COL11A1: variants seen among roughly 807,000 people sequenced by gnomAD.
COL11A1 encodes collagen type XI alpha 1 chain, also known as collagen alpha-1(XI) chain.
Under a neutral mutation model 265.2 loss-of-function variants are expected in COL11A1, and 74 were observed. The ratio of observed to expected loss-of-function variants is 0.28; its 90% CI spans 0.23 to 0.34. COL11A1 has a LOEUF of 0.34. Ranked by LOEUF, COL11A1 falls within the 10% of genes least tolerant of loss-of-function variation. The pLI, the probability that COL11A1 is intolerant of heterozygous loss-of-function variation, is 1.00. For missense variants in COL11A1, 2,165 were observed against 2,263.6 expected (o/e 0.96, Z 0.88); for synonymous variants, 816 against 727.6 (o/e 1.12, Z -1.96).
intron 54 of COL11A1, among the ~76,000 whole-genome samples, chr1:102,902,174 G>A (rs140131469): frequency 3.3e-5 from 5 of 152,262 alleles, no homozygotes; most frequent in Admixed American, 6.5e-5. Context: ...GTACATGATA[G>A]TCTCTATGGA....
At chr1:103,045,208 A>G (rs1388622986) in intron 4 of COL11A1, among the ~76,000 whole-genome samples, 1 of 152,158 alleles carries the variant, frequency 6.6e-6, no homozygotes, top group Non-Finnish European at 1.5e-5. Context: ...GGTATGGGTC[A>G]CATAAGGTCC....
intron 54 of COL11A1, among the ~76,000 whole-genome samples, chr1:102,903,970 C>T (rs1057435774): frequency 6.6e-6 from 1 of 152,116 alleles, no homozygotes; most frequent in African/African-American, 2.4e-5. Context: ...TCAAGCTATT[C>T]TCCCACCTCA....
chr1:102,884,550 C>G (rs1650709192), intron 63 of COL11A1: 1 of 152,178 alleles, frequency 6.6e-6, no homozygotes, highest in Admixed American at 6.5e-5. Flanking sequence ...CACTAAGATG[C>G]AAATGGTTGG....
At chr1:103,022,702 A>T in intron 8 of COL11A1, 40 bp downstream of exon 8, 1 of 1,611,978 alleles carries the variant, frequency 6.2e-7, no homozygotes, top group East Asian at 2.2e-5. Context: ...ATATCCCATA[A>T]ATAAGACATA....
chr1:102,967,245 T>C (rs1557882379), intron 37 of COL11A1, among the ~76,000 whole-genome samples: 1 of 110,238 alleles, frequency 9.1e-6, no homozygotes, highest in Non-Finnish European at 1.9e-5. Flanking sequence ...TTTTTTTTTT[T>C]TTTTTTTTTT....
intron 62 of COL11A1, 29 bp from the exon 63 acceptor site, chr1:102,887,085 G>C (rs1225761784): frequency 6.2e-7 from 1 of 1,612,584 alleles, no homozygotes; most frequent in Admixed American, 1.7e-5. Context: ...GAGTGCAATT[G>C]TTTCATAAAG....
At chr1:103,069,727 T>G (rs904518588) in intron 4 of COL11A1, among the ~76,000 whole-genome samples, 5 of 151,856 alleles carry the variant, frequency 3.3e-5, no homozygotes, top group Non-Finnish European at 7.4e-5. Flanking sequence ...ACAGCTCAAT[T>G]TTTTAAATGG....
chr1:103,048,319 G>C (rs186651909), intron 4 of COL11A1, among the ~76,000 whole-genome samples: 3 of 152,084 alleles, frequency 2.0e-5, no homozygotes, highest in Admixed American at 2.0e-4. Context: ...ACTTCTTCCT[G>C]GTTTATTCTT....
chr1:102,896,435 C>T (rs1021918641), intron 57 of COL11A1, among the ~76,000 whole-genome samples: 1 of 152,186 alleles, frequency 6.6e-6, no homozygotes, highest in Non-Finnish European at 1.5e-5. Context: ...GATGATTTAT[C>T]TGCCCATCCT....
At chr1:102,923,433 T>TA in intron 46 of COL11A1, 44 bp from the exon 47 acceptor site, 3 of 1,471,688 alleles carry the variant, frequency 2.0e-6, no homozygotes, top group Admixed American at 2.0e-5. Flanking sequence ...ACTGATGTCT[T>TA]TAAAAAAAAA....
At chr1:102,888,076 A>T (rs1471989064) in intron 62 of COL11A1, among the ~76,000 whole-genome samples, 1 of 152,204 alleles carries the variant, frequency 6.6e-6, no homozygotes, top group Non-Finnish European at 1.5e-5. Context: ...ATTTTAGCTC[A>T]AGAAAGAAGA....
intron 35 of COL11A1, among the ~76,000 whole-genome samples, chr1:102,977,137 C>T (rs1338521801): frequency 3.3e-5 from 5 of 152,018 alleles, no homozygotes; most frequent in Admixed American, 3.3e-4. Flanking sequence ...TGAACTTTCC[C>T]CAACTCATAT....
rs141320580 is a variant in COL11A1 at position 103,059,637 on chromosome 1, G to A, written c.651+14981C>T. ...TAATAAAAAAGTAGACAACAGGCAG[G>A]AACAGAATGGCTAATGTAAGCAGAA... On this transcript the variant is annotated intron_variant, in intron 4 of 66. Coordinates refer to ENST00000370096, the MANE Select transcript of COL11A1 (RefSeq NM_001854.4). Among the ~76,000 whole-genome samples the A allele has an allele frequency of 2.8e-3, 425 of 152,190 alleles. 4 individuals are homozygous for A. Among genetic ancestry groups the A allele is most frequent in the African/African-American group, 9.9e-3 (411 of 41,538 alleles).
intron 62 of COL11A1, 64 bp downstream of exon 62, chr1:102,888,513 A>C: frequency 6.8e-7 from 1 of 1,471,638 alleles, no homozygotes. Flanking sequence ...ATAAGTTCAG[A>C]GAAATCATTG....
At chr1:103,010,406 A>T (rs1666009323) in intron 14 of COL11A1, among the ~76,000 whole-genome samples, 1 of 152,198 alleles carries the variant, frequency 6.6e-6, no homozygotes, top group Non-Finnish European at 1.5e-5. Flanking sequence ...ATAATTAAGG[A>T]AGCTAAAACT....
intron 37 of COL11A1, among the ~76,000 whole-genome samples, chr1:102,967,282 C>T (rs1245187715): frequency 9.1e-6 from 1 of 109,786 alleles, no homozygotes; most frequent in Non-Finnish European, 1.7e-5. Context: ...GCTCTGTCGC[C>T]CAGGCTGGAG....
chr1:102,961,610 C>T (rs1483000904), intron 41 of COL11A1: 2 of 399,172 alleles, frequency 5.0e-6, no homozygotes, highest in Non-Finnish European at 4.6e-6. Context: ...GATTTATTTC[C>T]TTGGGAACCG....
chr1:102,991,868 A>G (rs1000489895), intron 28 of COL11A1, among the ~76,000 whole-genome samples: 6 of 148,464 alleles, frequency 4.0e-5, no homozygotes, highest in African/African-American at 1.5e-4. Flanking sequence ...AAGTCATGCC[A>G]TTTTCACCAT....
intron 7 of COL11A1, among the ~76,000 whole-genome samples, chr1:103,025,134 A>G (rs1667414932): frequency 1.3e-5 from 2 of 152,142 alleles, no homozygotes; most frequent in Non-Finnish European, 2.9e-5. Flanking sequence ...GAGGGAGTAA[A>G]ATTCTAATTG....
Sources: allele counts gnomAD v4.1 joint callset (sites outside exome capture counted in the v4.1 genomes callset), GRCh38; gene constraint gnomAD v4.1.1; transcripts MANE v1.5; gene names NCBI Gene and HGNC (gene_info 2026-07-23, HGNC 2026-07-21).